AP1S1: variants seen among roughly 807,000 people sequenced by gnomAD.
The protein encoded by AP1S1 is adaptor related protein complex 1 subunit sigma 1.
AP1S1 carries 13 observed loss-of-function variants against 23.9 expected under a neutral mutation model. That is an observed-to-expected ratio of 0.54 (90% CI 0.35 to 0.86). The LOEUF (loss-of-function observed/expected upper bound fraction) is 0.86. AP1S1 is among the 40% of genes least tolerant of loss of function. AP1S1 has a pLI of 0.01. For synonymous variants in AP1S1, 84 were observed against 77.7 expected, an observed-to-expected ratio of 1.08 and a Z score of -0.43; for missense variants, 119 against 197.6, an observed-to-expected ratio of 0.60 and a Z score of 2.38.
chr7:101,155,172 T>C (rs6953299), intron 1 of AP1S1: 298,837 of 326,864 alleles, frequency 0.91, 136,867 homozygotes, highest in African/African-American at 0.98. Context: ...ACCCCCCTAT[T>C]TGAGCGCCGC....
In AP1S1 at chr7:101,160,830, T is replaced by G; in HGVS notation, c.*264T>G. The G allele has an allele frequency of 7.6e-6, 5 of 657,718 alleles. No individual in the cohort carries two copies. The highest frequency in any genetic ancestry group is 1.4e-5 in the Non-Finnish European group (5 of 356,444). The allele number at this position is 657,718 out of a possible 1,614,324, so 40.7% of individuals were successfully genotyped here. On this transcript the variant is annotated 3_prime_UTR_variant, in exon 5 of 5. Transcript: ENST00000337619. Reference sequence around the variant, plus strand: ...AGATGGGGGTGCTATTTGGCTTTTATTCCCTGCCTTTGCAGAACTGATGTC... The same window carrying G: ...AGATGGGGGTGCTATTTGGCTTTTAGTCCCTGCCTTTGCAGAACTGATGTC...
At position 101,156,653 on chromosome 7, in the gene AP1S1, G is replaced by T; in HGVS notation, c.63G>T (p.Leu21=). The T allele has an allele frequency of 6.2e-7, 1 of 1,612,120 alleles. No homozygotes were observed. The highest frequency in any genetic ancestry group is 8.5e-7 in the Non-Finnish European group (1 of 1,179,248). The change falls in exon 2 of 5, where the codon CTG becomes CTT. Residue 21 remains leucine, a synonymous_variant. Coordinates refer to ENST00000337619, the MANE Select transcript of AP1S1 (RefSeq NM_001283.5). ...QGKLRLQKWY[L]ATSDKERKKM... ...AACTGCGGCTGCAAAAATGGTACCT[G>T]GCCACTTCGGACAAGGAACGGAAGA...
chr7:101,157,788 A>G (rs1209681478), intron 3 of AP1S1, among the ~76,000 whole-genome samples: 2 of 152,066 alleles, frequency 1.3e-5, no homozygotes, highest in African/African-American at 4.8e-5. Context: ...TTATTTTTTT[A>G]GAGACACAGT....
In AP1S1 at chr7:101,160,974, C is replaced by G. The variant is rs913452126; in HGVS notation, c.*408C>G. The G allele has an allele frequency of 3.6e-5, 13 of 363,572 alleles. No homozygotes were observed. The highest frequency in any genetic ancestry group is 2.6e-4 in the African/African-American group (12 of 46,922). 22.5% of individuals were successfully genotyped at this position (363,572 alleles called of 1,614,324 possible). On this transcript the variant is annotated 3_prime_UTR_variant, in exon 5 of 5. Coordinates refer to ENST00000337619, the MANE Select transcript of AP1S1 (RefSeq NM_001283.5). Reference sequence around the variant, plus strand: ...TCCCATAACCTACCTCCACCCTCCCCCTAGCCAGCCAGGCAGCTTCTCTGC... The same window carrying G: ...TCCCATAACCTACCTCCACCCTCCCGCTAGCCAGCCAGGCAGCTTCTCTGC...
At chr7:101,155,842 G>A (rs116798665) in intron 1 of AP1S1, among the ~76,000 whole-genome samples, 197 of 152,280 alleles carry the variant, frequency 1.3e-3, no homozygotes, top group African/African-American at 4.5e-3. Flanking sequence ...TTTCTTTGGC[G>A]TCGGTTACTG....
chr7:101,159,588 G>C (rs141303101), intron 4 of AP1S1: 2,881 of 175,776 alleles, frequency 0.016, 54 homozygotes, highest in Non-Finnish European at 0.02. Context: ...TTTCTTCCCT[G>C]ATTTCTTCCC....
chr7:101,157,504 C>G lies in AP1S1; in HGVS notation c.291+19C>G. 6.6e-7 allele frequency: 1 copy of G among 1,522,862 alleles called. No individual in the cohort carries two copies. The highest frequency in any genetic ancestry group is 8.9e-7 in the Non-Finnish European group (1 of 1,120,610). The allele number at this position is 1,522,862 out of a possible 1,614,324, so 94.3% of individuals were successfully genotyped here. On this transcript the variant is annotated intron_variant, in intron 3 of 4. Coordinates refer to ENST00000337619, the MANE Select transcript of AP1S1 (RefSeq NM_001283.5). Reference sequence around the variant, plus strand: ...TGGCAGTGTAAGTCTCCTCTGCCCACCAGTTTCCATTCCCAGCAATCCCCT... The same window carrying G: ...TGGCAGTGTAAGTCTCCTCTGCCCAGCAGTTTCCATTCCCAGCAATCCCCT...
At chr7:101,158,973 A>C in intron 3 of AP1S1, 86 bp from the exon 4 acceptor site, 1 of 1,544,020 alleles carries the variant, frequency 6.5e-7, no homozygotes, top group Non-Finnish European at 8.8e-7. Flanking sequence ...TTGGGGGCAG[A>C]ACCCAAGGTG....
At chr7:101,159,325 CCCA>C in intron 4 of AP1S1, 129 bp downstream of exon 4, 1 of 1,329,214 alleles carries the variant, frequency 7.5e-7, no homozygotes, top group Non-Finnish European at 1.0e-6. Context: ...GTATCTGACC[CCCA>C]CCACGCCCAG....
intron 2 of AP1S1, 26 bp from the exon 3 acceptor site, chr7:101,157,351 G>GAAT (rs146386827): frequency 5.2e-6 from 8 of 1,525,976 alleles, no homozygotes; most frequent in South Asian, 1.2e-5. Context: ...AGCTTGTAGC[G>GAAT]ATGTCTCATG....
intron 4 of AP1S1, 131 bp downstream of exon 4, chr7:101,159,327 C>G: frequency 7.5e-7 from 1 of 1,331,024 alleles, no homozygotes; most frequent in Non-Finnish European, 1.0e-6. Context: ...ATCTGACCCC[C>G]ACCACGCCCA....
intron 2 of AP1S1, 49 bp from the exon 3 acceptor site, chr7:101,157,328 G>A (rs764932455): frequency 7.5e-6 from 11 of 1,457,846 alleles, no homozygotes; most frequent in Non-Finnish European, 1.0e-5. Flanking sequence ...CAGAATGCCT[G>A]GGTCCTGAAG....
chr7:101,159,009 G>T, intron 3 of AP1S1, 50 bp from the exon 4 acceptor site: 1 of 1,601,796 alleles, frequency 6.2e-7, no homozygotes, highest in South Asian at 1.1e-5. Flanking sequence ...AAAAGGAAGT[G>T]GCTCCAGTTG....
At chr7:101,158,517 G>T (rs569148046) in intron 3 of AP1S1, among the ~76,000 whole-genome samples, 38 of 152,238 alleles carry the variant, frequency 2.5e-4, no homozygotes, top group African/African-American at 8.4e-4. Flanking sequence ...CACAGATTTT[G>T]GGGGGAAGGC....
At chr7:101,159,838 GC>G (rs1242171485) in intron 4 of AP1S1, among the ~76,000 whole-genome samples, 5 of 151,868 alleles carry the variant, frequency 3.3e-5, no homozygotes, top group East Asian at 3.9e-4. Context: ...TGATGAGCGA[GC>G]CCGGCCTGAG....
rs1469861275 is a variant in AP1S1 at position 101,159,067 on chromosome 7, G to A, written c.300G>A (p.Glu100=). The change falls in exon 4 of 5, where the codon GAG becomes GAA. Residue 100 remains glutamate, a synonymous_variant. Coordinates refer to ENST00000337619, the MANE Select transcript of AP1S1 (RefSeq NM_001283.5). The part of the protein sequence containing the change: ...LLDKYFGSVC[E]LDIIFNFEKA... The stretch of plus-strand genomic sequence containing the variant: ...TCTCCCCGCCCTCCCAGGTGTGCGA[G>A]CTGGACATCATCTTCAACTTTGAGA... 1.9e-6 allele frequency: 3 copies of A among 1,613,078 alleles called. No individual in the cohort carries two copies. The highest frequency in any genetic ancestry group is 2.2e-5 in the East Asian group (1 of 44,848).
intron 2 of AP1S1, 80 bp downstream of exon 2, chr7:101,156,852 T>C (rs1345137890): frequency 4.7e-6 from 6 of 1,279,034 alleles, no homozygotes; most frequent in Non-Finnish European, 6.2e-6. Context: ...GGTCGTCCTG[T>C]AGGTCAGGGA....
chr7:101,159,938 TG>T (rs1356450126), intron 4 of AP1S1, among the ~76,000 whole-genome samples: 1 of 148,542 alleles, frequency 6.7e-6, no homozygotes, highest in Non-Finnish European at 1.5e-5. Flanking sequence ...GCCACCTCAC[TG>T]GTCGAGCTTC....
intron 1 of AP1S1, chr7:101,154,816 G>A (rs1263147930): frequency 4.5e-6 from 2 of 444,456 alleles, no homozygotes; most frequent in Non-Finnish European, 6.0e-6. Flanking sequence ...CTCGATCCCC[G>A]CTGCAGGGAA....
Sources: allele counts gnomAD v4.1 joint callset (sites outside exome capture counted in the v4.1 genomes callset), GRCh38; gene constraint gnomAD v4.1.1; transcripts MANE v1.5; gene names NCBI Gene and HGNC (gene_info 2026-07-23, HGNC 2026-07-21).